The following PRKN variants were observed in gnomAD, a reference collection of about 807,000 sequenced individuals.
PRKN encodes the protein parkin RBR E3 ubiquitin protein ligase.
PRKN carries 56 observed loss-of-function variants against 59.5 expected under a neutral mutation model. The ratio of observed to expected loss-of-function variants is 0.94; its 90% CI spans 0.76 to 1.18. The LOEUF is 1.18. Ranked by LOEUF, PRKN falls within the 50% of genes most tolerant of loss-of-function variation. PRKN has a pLI of 0.00. For missense variants in PRKN, 657 were observed against 596.4 expected, an observed-to-expected ratio of 1.10 and a Z score of -1.06; for synonymous variants, 250 against 222.1, an observed-to-expected ratio of 1.13 and a Z score of -1.12.
chr6:161,585,731 T>C (rs1781499684), intron 7 of PRKN, among the ~76,000 whole-genome samples: 1 of 152,132 alleles, frequency 6.6e-6, no homozygotes, highest in Non-Finnish European at 1.5e-5. Flanking sequence ...TCCCTAGCAG[T>C]CCTGAAACAC....
intron 2 of PRKN, among the ~76,000 whole-genome samples, chr6:162,380,686 G>A (rs1000972132): frequency 1.3e-5 from 2 of 151,534 alleles, no homozygotes; most frequent in Non-Finnish European, 2.9e-5. Flanking sequence ...TATAAGCCTT[G>A]AGAAATATAC....
At chr6:162,614,237 G>A (rs1325317775) in intron 1 of PRKN, among the ~76,000 whole-genome samples, 1 of 152,036 alleles carries the variant, frequency 6.6e-6, no homozygotes, top group Non-Finnish European at 1.5e-5. Flanking sequence ...TACTAGGTGA[G>A]TTACCTGAGT....
In PRKN at chr6:162,389,018, A is replaced by AAAC. The variant is rs1554312385; in HGVS notation, c.171+54291_171+54292insGTT. Among the ~76,000 whole-genome samples the AAAC allele has an allele frequency of 4.8e-3, 713 of 149,406 alleles. 7 individuals are homozygous for AAAC. The highest frequency in any genetic ancestry group is 0.016 in the African/African-American group (657 of 40,500). ...TTTCAGTTCCTCCAGAAAAAAAAAA[A>AAAC]AAAAAACAAAAAAACCTGACCCTCA... is the stretch of plus-strand genomic sequence containing the variant. On this transcript the variant is annotated intron_variant, in intron 2 of 11. Coordinates refer to ENST00000366898, the MANE Select transcript of PRKN (RefSeq NM_004562.3).
At chr6:162,332,879 T>C (rs570199034) in intron 2 of PRKN, among the ~76,000 whole-genome samples, 1 of 152,128 alleles carries the variant, frequency 6.6e-6, no homozygotes, top group Non-Finnish European at 1.5e-5. Flanking sequence ...AAGGCCATTA[T>C]GCCAAGGGGA....
At chr6:162,018,122 G>A (rs1306255183) in intron 5 of PRKN, among the ~76,000 whole-genome samples, 2 of 152,204 alleles carry the variant, frequency 1.3e-5, no homozygotes, top group Non-Finnish European at 2.9e-5. Context: ...CACCTCCTGG[G>A]TTCACGCCAT....
chr6:161,671,815 T>C lies in PRKN; in HGVS notation c.872-102399A>G, dbSNP rs76461963. On this transcript the variant is annotated intron_variant, in intron 7 of 11. Transcript: ENST00000366898. ...ACAACGCTGTGTTCATCACTTAATG[T>C]TATTACCCAGTCCCTTGGTTGTCTT... 7.7e-3 allele frequency among the ~76,000 whole-genome samples: 1,168 copies of C among 152,348 alleles called. 14 individuals carry two copies. The highest frequency in any genetic ancestry group is 0.027 in the African/African-American group (1,123 of 41,578).
At chr6:161,772,457 G>A (rs530025632) in intron 7 of PRKN, among the ~76,000 whole-genome samples, 27 of 152,278 alleles carry the variant, frequency 1.8e-4, no homozygotes, top group African/African-American at 5.8e-4. Flanking sequence ...CTCAGCAATC[G>A]ACATGTTCTG....
intron 4 of PRKN, among the ~76,000 whole-genome samples, chr6:162,112,253 G>C (rs1162146864): frequency 6.6e-6 from 1 of 152,086 alleles, no homozygotes; most frequent in African/African-American, 2.4e-5. Flanking sequence ...CATTCTTAAA[G>C]ACCAGACCTC....
rs1786382015 is a variant in PRKN, at chr6:161,388,852, TG to T, written c.1084-1976del. Reference sequence around the variant, plus strand: ...TTTTAGTAGACAGCCAGCACCAACTTGCCAGCTATGTGACTGGGTCATATTC... The same window carrying T: ...TTTTAGTAGACAGCCAGCACCAACTTCCAGCTATGTGACTGGGTCATATTC... On this transcript the variant is annotated intron_variant, in intron 9 of 11. Transcript: ENST00000366898. This position sits in a 1 kb window ranked among gnomAD's most constrained non-coding sequence, Gnocchi z 4.3. Among the ~76,000 whole-genome samples the T allele has an allele frequency of 6.6e-6, 1 of 152,246 alleles. No individual in the cohort carries two copies. Among genetic ancestry groups the T allele is most frequent in the Non-Finnish European group, 1.5e-5 (1 of 68,040 alleles).
At chr6:162,445,524 A>G (rs976537188) in intron 1 of PRKN, among the ~76,000 whole-genome samples, 1 of 151,724 alleles carries the variant, frequency 6.6e-6, no homozygotes, top group Non-Finnish European at 1.5e-5. Context: ...CCATCTCTAC[A>G]AAAAATTTTT....
Position 162,307,849 on chromosome 6 carries a change from C to T in PRKN, c.172-45084G>A, listed in dbSNP as rs533296809. ...AAAACCTTGTTCCTTTCAGCTATTA[C>T]GATATAAAAAGTGGTTATTGTTAAT... On this transcript the variant is annotated intron_variant, in intron 2 of 11. Coordinates refer to ENST00000366898, the MANE Select transcript of PRKN (RefSeq NM_004562.3). Among the ~76,000 whole-genome samples, 12 of 141,324 alleles carry T rather than the reference C, an allele frequency of 8.5e-5. No homozygotes were observed. In the South Asian group the frequency reaches 1.7e-3, roughly 20 times the overall value. The allele number at this position is 141,324 out of a possible 152,430, so 92.7% of individuals were successfully genotyped here. A position where few individuals can be genotyped will look rare whatever the true frequency, so the allele number is the denominator to read the frequency against.
At chr6:162,055,843 G>A (rs1383573024) in intron 4 of PRKN, among the ~76,000 whole-genome samples, 3 of 152,058 alleles carry the variant, frequency 2.0e-5, no homozygotes, top group East Asian at 3.9e-4. Flanking sequence ...AGATGCTGAG[G>A]AAAATGCCGT....
chr6:162,558,420 C>A (rs1779699764), intron 1 of PRKN, among the ~76,000 whole-genome samples: 1 of 151,408 alleles, frequency 6.6e-6, no homozygotes, highest in Non-Finnish European at 1.5e-5. Flanking sequence ...ACCTCCGCCT[C>A]CTGGGTTCAA....
intron 1 of PRKN, among the ~76,000 whole-genome samples, chr6:162,556,366 T>TGTGTGTGCGCGC (rs760574593): frequency 9.2e-5 from 9 of 98,298 alleles, no homozygotes; most frequent in Non-Finnish European, 1.7e-4. Context: ...TGTGTGTGTG[T>TGTGTGTGCGCGC]GTGTGTGTGT....
At chr6:162,515,714 C>A (rs1177253744) in intron 1 of PRKN, among the ~76,000 whole-genome samples, 1 of 152,028 alleles carries the variant, frequency 6.6e-6, no homozygotes, top group Non-Finnish European at 1.5e-5. Flanking sequence ...CTTTCTCTTC[C>A]TATCCCCCAT....
chr6:161,540,262 C>T (rs946160605), intron 9 of PRKN, among the ~76,000 whole-genome samples: 4 of 152,144 alleles, frequency 2.6e-5, no homozygotes, highest in Admixed American at 1.3e-4. Flanking sequence ...TGGTGACACT[C>T]GCCCTATGAA....
In PRKN at chr6:162,634,611, T is replaced by C. The variant is rs142235689; in HGVS notation, c.7+93051A>G. ...GCAATGGCTGACACGAGAAGAGTGA[T>C]GGACATTTGCTGTTGTTGCTGTTAT... On this transcript the variant is annotated intron_variant, in intron 1 of 11. Coordinates refer to ENST00000366898, the MANE Select transcript of PRKN (RefSeq NM_004562.3). Among the ~76,000 whole-genome samples the C allele has an allele frequency of 4.8e-3, 726 of 152,314 alleles. 4 individuals are homozygous for C. Among genetic ancestry groups the C allele is most frequent in the African/African-American group, 0.017 (693 of 41,578 alleles).
At position 161,874,991 on chromosome 6, in the gene PRKN, T is replaced by C. The variant is rs1217968397; in HGVS notation, c.735-89083A>G. ...ATATAATTTATTATATTATATACTT[T>C]ATATATAATATATTATATATTATAT... On this transcript the variant is annotated intron_variant, in intron 6 of 11. Transcript: ENST00000366898. Among the ~76,000 whole-genome samples, 27 of 76,686 alleles carry C rather than the reference T, an allele frequency of 3.5e-4. 2 individuals carry two copies. Among genetic ancestry groups the C allele is most frequent in the African/African-American group, 1.6e-3 (24 of 15,072 alleles). 50.3% of individuals were successfully genotyped at this position (76,686 alleles called of 152,430 possible).
At chr6:162,608,065 C>A (rs2803054) in intron 1 of PRKN, among the ~76,000 whole-genome samples, 70,966 of 152,046 alleles carry the variant, frequency 0.47, 18,285 homozygotes, top group Non-Finnish European at 0.59. Context: ...TAGTTGGGTT[C>A]TTCCAAGTTT....
Sources: allele counts gnomAD v4.1 joint callset (sites outside exome capture counted in the v4.1 genomes callset), GRCh38; gene constraint gnomAD v4.1.1; non-coding constraint Gnocchi (gnomAD v3.1); transcripts MANE v1.5; gene names NCBI Gene and HGNC (gene_info 2026-07-23, HGNC 2026-07-21).